C7: variants seen among roughly 807,000 people sequenced by gnomAD.
C7 encodes complement component C7.
Under a neutral mutation model 104.8 loss-of-function variants are expected in C7, and 83 were observed. The observed-to-expected ratio is 0.79, with a 90% CI of 0.66 to 0.95. C7 has a LOEUF of 0.95. C7 is among the 40% of genes least tolerant of loss of function. The pLI is 0.00. For missense variants in C7, 1,070 were observed against 1,011.2 expected, an observed-to-expected ratio of 1.06 and a Z score of -0.79; for synonymous variants, 415 against 360.6, an observed-to-expected ratio of 1.15 and a Z score of -1.71.
intron 13 of C7, among the ~76,000 whole-genome samples, chr5:40,963,986 G>A (rs1319015593): frequency 1.4e-5 from 2 of 142,730 alleles, no homozygotes; most frequent in Admixed American, 1.4e-4. Context: ...TTTGTAGGCA[G>A]TATGGCAGTA....
In C7 at chr5:40,981,622, G is replaced by A. The variant is rs745435826; in HGVS notation, c.*49G>A. 6.6e-7 allele frequency: 1 copy of A among 1,507,314 alleles called. No individual in the cohort carries two copies. Among genetic ancestry groups the A allele is most frequent in the East Asian group, 2.3e-5 (1 of 43,264 alleles). 93.4% of individuals were successfully genotyped at this position (1,507,314 alleles called of 1,614,324 possible). ...TGCTTGGAATCCAGCAGGCAGCTGGGGCTGAGTGAAAACATCTGCACAACT... is the reference window on the plus strand; with the variant it reads ...TGCTTGGAATCCAGCAGGCAGCTGGAGCTGAGTGAAAACATCTGCACAACT... On this transcript the variant is annotated 3_prime_UTR_variant, in exon 18 of 18. Transcript: ENST00000313164.
intron 1 of C7, among the ~76,000 whole-genome samples, chr5:40,920,775 A>G (rs940385330): frequency 8.5e-5 from 13 of 152,184 alleles, no homozygotes; most frequent in Non-Finnish European, 1.9e-4. Context: ...TAGGCTGGGC[A>G]TGGTGGCTCA....
intron 1 of C7, among the ~76,000 whole-genome samples, chr5:40,915,364 C>T (rs889338322): frequency 6.6e-6 from 1 of 152,102 alleles, no homozygotes; most frequent in African/African-American, 2.4e-5. Context: ...ACCCACTCCT[C>T]CCTCATTACA....
At position 40,962,149 on chromosome 5, in the gene C7, G is replaced by A; in HGVS notation, c.1726G>A (p.Ala576Thr). 9 of 1,564,724 alleles carry A rather than the reference G, an allele frequency of 5.8e-6. No homozygotes were observed. The highest frequency in any genetic ancestry group is 7.8e-6 in the Non-Finnish European group (9 of 1,150,456). Residue 576 changes from alanine to threonine, a missense_variant, in exon 13 of 18, where the codon GCC (alanine) becomes ACC (threonine). By Grantham distance (58) the Ala-to-Thr change is moderately conservative (BLOSUM62 0). Coordinates refer to ENST00000313164, the MANE Select transcript of C7 (RefSeq NM_000587.4). ...AACAGAATTCTGTCCATCACCTCCT[G>A]CCTTGAAAGATGGATTTGTTCAAGT... ...VPTEFCPSPP[A>T]LKDGFVQDEG...
At chr5:40,957,706 G>A (rs1043193975) in intron 10 of C7, among the ~76,000 whole-genome samples, 2 of 151,654 alleles carry the variant, frequency 1.3e-5, no homozygotes, top group Admixed American at 6.6e-5. Context: ...CCCCCCTGCC[G>A]CAGCCTCTCA....
chr5:40,968,551 AAACAATTATATATATT>A (rs1464837806), intron 14 of C7, among the ~76,000 whole-genome samples: 2 of 113,280 alleles, frequency 1.8e-5, no homozygotes, highest in African/African-American at 5.9e-5. Flanking sequence ...TTTCAACTTA[AAACAATTATATATATT>A]TTATATATAT....
At chr5:40,979,383 C>T (rs2111730463) in intron 16 of C7, among the ~76,000 whole-genome samples, 1 of 152,200 alleles carries the variant, frequency 6.6e-6, no homozygotes, top group Admixed American at 6.5e-5. Flanking sequence ...TGCTTGGTCT[C>T]CACTGGCTTT....
In C7 at chr5:40,981,570, G is replaced by A. The variant is rs760648926; in HGVS notation, c.2529G>A (p.Gln843=). The change falls in exon 18 of 18, where the codon CAG becomes CAA. Residue 843 remains glutamine, a synonymous_variant. Transcript: ENST00000313164. ...TSIRPCAAET[Q] ...TAAGGCCTTGTGCTGCGGAAACCCA[G>A]TAGGCTCCTGGAGGCCCTGGTCAGC... 6 of 1,604,882 alleles carry A rather than the reference G, an allele frequency of 3.7e-6. No homozygotes were observed. Among genetic ancestry groups the A allele is most frequent in the Non-Finnish European group, 5.1e-6 (6 of 1,173,172 alleles).
intron 1 of C7, among the ~76,000 whole-genome samples, chr5:40,920,098 AAAAG>A (rs1561236634): frequency 6.6e-6 from 1 of 152,138 alleles, no homozygotes; most frequent in Non-Finnish European, 1.5e-5. Flanking sequence ...TAATTTAAAA[AAAAG>A]AAGATTCATA....
intron 16 of C7, among the ~76,000 whole-genome samples, chr5:40,978,124 G>C (rs921908168): frequency 1.0e-4 from 13 of 124,840 alleles, no homozygotes; most frequent in African/African-American, 4.1e-4. Context: ...GACAGAGCCA[G>C]ACCCTATCTC....
chr5:40,968,600 ATTTTTTTTTTTTTTTTTTTTTT>A (rs70988826), intron 14 of C7, among the ~76,000 whole-genome samples: 2 of 25,498 alleles, frequency 7.8e-5, no homozygotes, highest in Non-Finnish European at 1.4e-4. Context: ...ATATATATAT[ATTTTTTTTTTTTTTTTTTTTTT>A]TTTTTTTGAG....
rs34196526 is a variant in C7, at chr5:40,934,369, G to A, written c.183G>A (p.Gln61=). Reference sequence around the variant, plus strand: ...CTGTGTATGGGCAGTATGGAGGCCAGCCTTGTGTTGGAAATGCTTTTGAAA... The same window carrying A: ...CTGTGTATGGGCAGTATGGAGGCCAACCTTGTGTTGGAAATGCTTTTGAAA... ...SVAVYGQYGG[Q]PCVGNAFETQ... Residue 61 remains glutamine (Q), a synonymous_variant, in exon 4 of 18, where the codon CAG becomes CAA. Transcript: ENST00000313164. 0.019 allele frequency: 31,088 copies of A among 1,613,608 alleles called. 379 individuals are homozygous for A. The highest frequency in any genetic ancestry group is 0.023 in the South Asian group (2,068 of 91,054).
intron 3 of C7, among the ~76,000 whole-genome samples, chr5:40,933,342 C>T (rs1423434983): frequency 6.6e-6 from 1 of 152,114 alleles, no homozygotes; most frequent in Non-Finnish European, 1.5e-5. Flanking sequence ...ATCCTCAGGA[C>T]GCTCAGTTTT....
intron 1 of C7, among the ~76,000 whole-genome samples, chr5:40,913,681 G>A (rs1453609922): frequency 3.3e-5 from 5 of 151,810 alleles, no homozygotes; most frequent in African/African-American, 4.8e-5. Context: ...TGTATATTTT[G>A]TATATTTATA....
chr5:40,948,038 G>C (rs115343059), intron 8 of C7, among the ~76,000 whole-genome samples, 193 bp downstream of exon 8: 1,592 of 152,238 alleles, frequency 0.01, 28 homozygotes, highest in African/African-American at 0.037. Context: ...CCTGTCTACT[G>C]TTTTGCATAG....
intron 3 of C7, 88 bp downstream of exon 3, chr5:40,931,227 T>A: frequency 2.2e-6 from 2 of 898,306 alleles, no homozygotes; most frequent in Non-Finnish European, 3.6e-6. Context: ...GAATGTTCAT[T>A]AAATAGTGTC....
chr5:40,965,801 T>A (rs1036500675), intron 14 of C7, among the ~76,000 whole-genome samples: 3 of 151,564 alleles, frequency 2.0e-5, no homozygotes, highest in Non-Finnish European at 4.4e-5. Context: ...GCCAACACAC[T>A]CTGCTAATTT....
At chr5:40,944,411 T>C (rs1024598497) in intron 6 of C7, among the ~76,000 whole-genome samples, 1 of 152,236 alleles carries the variant, frequency 6.6e-6, no homozygotes, top group African/African-American at 2.4e-5. Context: ...TTACATCTAG[T>C]GACTGTCTAG....
At chr5:40,967,980 A>G (rs1740595123) in intron 14 of C7, among the ~76,000 whole-genome samples, 3 of 152,148 alleles carry the variant, frequency 2.0e-5, no homozygotes, top group African/African-American at 7.2e-5. Context: ...CTTGACCATT[A>G]TGTCCTAAAA....
Sources: gnomAD v4.1 joint callset for allele counts (sites outside exome capture counted in the v4.1 genomes callset) on GRCh38, gnomAD v4.1.1 for gene constraint, MANE v1.5 for transcripts, NCBI Gene and HGNC (gene_info 2026-07-23, HGNC 2026-07-21) for gene names.